The following CEP250 variants were observed in gnomAD, a reference collection of about 807,000 sequenced individuals.
CEP250 encodes the protein centrosome-associated protein CEP250.
In CEP250, 242 loss-of-function variants were observed where a neutral mutation model predicts 315.7. That is an observed-to-expected ratio of 0.77 (90% CI 0.69 to 0.85). The LOEUF is 0.85. CEP250 is among the 40% of genes least tolerant of loss of function. The probability of loss-of-function intolerance (pLI) is 0.00; values close to 1 mark genes in which losing one functional copy is unlikely to be tolerated. For missense variants in CEP250, 2,515 were observed against 2,886.4 expected, an observed-to-expected ratio of 0.87 and a Z score of 2.95; for synonymous variants, 1,088 against 1,175.0, an observed-to-expected ratio of 0.93 and a Z score of 1.51.
At position 35,467,286 on chromosome 20, in the gene CEP250, T is replaced by C. The variant is rs1416212486; in HGVS notation, c.600-18T>C. On this transcript the variant is annotated intron_variant, in intron 8 of 34. Transcript: ENST00000397527. The stretch of plus-strand genomic sequence containing the variant: ...CTGGTTCCTAGTGGAGTCTGCTGTT[T>C]TCCTTGCTTGTACTCAGAGATCTGA... The C allele has an allele frequency of 1.9e-6, 3 of 1,606,340 alleles. No individual in the cohort carries two copies. The highest frequency in any genetic ancestry group is 1.7e-6 in the Non-Finnish European group (2 of 1,174,422).
chr20:35,463,330 G>A (rs981341624), intron 4 of CEP250, among the ~76,000 whole-genome samples: 1 of 152,230 alleles, frequency 6.6e-6, no homozygotes, highest in Non-Finnish European at 1.5e-5. Flanking sequence ...TTCAATCTGG[G>A]AAGCGGAGGT....
At chr20:35,470,749 G>A (rs757900883) in intron 10 of CEP250, among the ~76,000 whole-genome samples, 10 of 152,112 alleles carry the variant, frequency 6.6e-5, no homozygotes, top group South Asian at 2.1e-4. Context: ...GTGAAACTCC[G>A]TCTCAAAAAA....
Position 35,503,533 on chromosome 20 carries a change from G to A in CEP250, c.5164G>A (p.Gly1722Arg), listed in dbSNP as rs1453778388. 3.7e-6 allele frequency: 6 copies of A among 1,614,026 alleles called. No individual in the cohort carries two copies. Among genetic ancestry groups the A allele is most frequent in the Non-Finnish European group, 4.2e-6 (5 of 1,180,018 alleles). Residue 1722 changes from glycine (G) to arginine (R), a missense_variant, in exon 30 of 35, where the codon GGG becomes AGG. Transcript: ENST00000397527. This position sits in a 1 kb window ranked among gnomAD's most constrained non-coding sequence, Gnocchi z 4.2. ...EGKGPSKAQR[G>R]SLEHMKLILR... is the part of the protein sequence containing the mutation. ...GAAGGGCCCAAGTAAAGCACAGCGCGGGAGCCTAGAGCACATGAAGCTGAT... is the reference window on the plus strand; with the variant it reads ...GAAGGGCCCAAGTAAAGCACAGCGCAGGAGCCTAGAGCACATGAAGCTGAT...
rs753620697 is a variant in CEP250, at chr20:35,502,694, G to C, written c.4325G>C (p.Gly1442Ala). ...EREEEVETLRGQIQELEKQRE... is the reference protein window; with the variant it reads ...EREEEVETLRAQIQELEKQRE... ...GAAGAGGAGGTGGAGACTCTGCGGGGACAAATCCAGGAACTGGAGAAGCAA... is the reference window on the plus strand; with the variant it reads ...GAAGAGGAGGTGGAGACTCTGCGGGCACAAATCCAGGAACTGGAGAAGCAA... Residue 1442 changes from glycine to alanine, a missense_variant, in exon 30 of 35, where the codon GGA becomes GCA. Transcript: ENST00000397527. 1.6e-5 allele frequency: 26 copies of C among 1,614,282 alleles called. No homozygotes were observed. Among genetic ancestry groups the C allele is most frequent in the Non-Finnish European group, 2.2e-5 (26 of 1,180,054 alleles).
At position 35,480,045 on chromosome 20, in the gene CEP250, C is replaced by T. The variant is rs1383273053; in HGVS notation, c.2486C>T (p.Ala829Val). Residue 829 changes from alanine to valine, a missense_variant, in exon 20 of 35, where the codon GCA becomes GTA. Ala to Val is a moderately conservative substitution (Grantham distance 64). Coordinates refer to ENST00000397527, the MANE Select transcript of CEP250 (RefSeq NM_007186.6). The part of the protein sequence containing the change: ...RSQAEQERDA[A>V]ARQLAQAEQE... The stretch of plus-strand genomic sequence containing the variant: ...CAGGCAGAGCAGGAGCGGGATGCTG[C>T]AGCCAGACAGCTGGCCCAGGCTGAG... 5.0e-6 allele frequency: 8 copies of T among 1,613,266 alleles called. No individual in the cohort carries two copies. The highest frequency in any genetic ancestry group is 1.7e-5 in the Admixed American group (1 of 60,006).
In CEP250 at chr20:35,517,567, A is replaced by G. The variant is rs2064446899; in HGVS notation, c.*5941A>G. The G allele has an allele frequency of 6.6e-6, 1 of 152,194 alleles. No homozygotes were observed. The highest frequency in any genetic ancestry group is 6.5e-5 in the Admixed American group (1 of 15,270). The allele number at this position is 152,194 out of a possible 1,614,324, so 9.4% of individuals were successfully genotyped here. A position where few individuals can be genotyped will look rare whatever the true frequency, so the allele number is the denominator to read the frequency against. On this transcript the variant is annotated 3_prime_UTR_variant, in exon 35 of 35. Coordinates refer to ENST00000397527, the MANE Select transcript of CEP250 (RefSeq NM_007186.6). Reference sequence around the variant, plus strand: ...TGGTAGACTTTCTTGTCATCTATTTAAAATGAAACAAGTGCATGTACGTGG... The same window carrying G: ...TGGTAGACTTTCTTGTCATCTATTTGAAATGAAACAAGTGCATGTACGTGG...
chr20:35,476,235 C>G (rs925531131), intron 15 of CEP250: 6 of 446,812 alleles, frequency 1.3e-5, no homozygotes, highest in Non-Finnish European at 2.0e-5. Context: ...CAATCATAGT[C>G]ATTTCTCTAT....
chr20:35,484,387 T>C (rs1242441989), intron 20 of CEP250, among the ~76,000 whole-genome samples: 1 of 152,190 alleles, frequency 6.6e-6, no homozygotes, highest in Non-Finnish European at 1.5e-5. Context: ...CCAGACCCCA[T>C]GTGCAGCTCA....
At position 35,482,255 on chromosome 20, in the gene CEP250, G is replaced by A. The variant is rs575790269; in HGVS notation, c.2586+2110G>A. ...TTTTTGTTTGTTTGTTTTTTGAGAC[G>A]GAGTCTCGCTCTGTTGCCCAGGCTG... On this transcript the variant is annotated intron_variant, in intron 20 of 34. Transcript: ENST00000397527. Among the ~76,000 whole-genome samples the A allele has an allele frequency of 1.6e-4, 24 of 151,816 alleles. No homozygotes were observed. The South Asian group carries it at 4.4e-3, about 28-fold the overall frequency.
intron 33 of CEP250, among the ~76,000 whole-genome samples, chr20:35,509,280 C>G (rs1272171912): frequency 6.6e-6 from 1 of 152,286 alleles, no homozygotes; most frequent in East Asian, 1.9e-4. Context: ...GGACTTAGAT[C>G]TGTGTACTCC....
chr20:35,458,566 C>T (rs971048606), intron 2 of CEP250, among the ~76,000 whole-genome samples, 192 bp downstream of exon 2: 2 of 1,324 alleles, frequency 1.5e-3, no homozygotes, highest in Non-Finnish European at 0.042. Context: ...TAGATGTAAT[C>T]CAATTTGTTA....
chr20:35,471,371 G>A (rs2063020308), intron 10 of CEP250, among the ~76,000 whole-genome samples: 1 of 152,176 alleles, frequency 6.6e-6, no homozygotes, highest in Non-Finnish European at 1.5e-5. Flanking sequence ...TGTAGGAATG[G>A]GGGCTGGGTG....
intron 31 of CEP250, 46 bp downstream of exon 31, chr20:35,507,897 C>A (rs2064236470): frequency 1.2e-6 from 2 of 1,603,276 alleles, no homozygotes; most frequent in Admixed American, 3.4e-5. Flanking sequence ...CAGGGAGCTC[C>A]TGTCCAGGGG....
chr20:35,478,447 C>T (rs1417980232), intron 17 of CEP250, among the ~76,000 whole-genome samples: 1 of 152,164 alleles, frequency 6.6e-6, no homozygotes, highest in African/African-American at 2.4e-5. Context: ...TGCCTGTAAT[C>T]CCAACTACTC....
chr20:35,495,376 T>C (rs2063807619), intron 24 of CEP250, among the ~76,000 whole-genome samples: 1 of 152,182 alleles, frequency 6.6e-6, no homozygotes. Context: ...ATGATGTATT[T>C]GAAGGGATTG....
chr20:35,475,330 C>T (rs2063140135), intron 14 of CEP250, among the ~76,000 whole-genome samples, 172 bp from the exon 15 acceptor site: 1 of 152,190 alleles, frequency 6.6e-6, no homozygotes, highest in Admixed American at 6.5e-5. Flanking sequence ...CATGTATATA[C>T]TGTTCTGCAC....
intron 10 of CEP250, 96 bp from the exon 11 acceptor site, chr20:35,471,949 GATAGA>G: frequency 6.9e-6 from 5 of 726,030 alleles, no homozygotes; most frequent in Non-Finnish European, 1.2e-5. Context: ...AAGTGGGGCT[GATAGA>G]ATAGACAGAA....
At chr20:35,509,392 CCT>C (rs1285100416) in intron 33 of CEP250, among the ~76,000 whole-genome samples, 2 of 152,180 alleles carry the variant, frequency 1.3e-5, no homozygotes, top group African/African-American at 2.4e-5. Context: ...TCCTGAGGAG[CCT>C]AGGAGCTTGA....
At chr20:35,481,833 G>A (rs2146914103) in intron 20 of CEP250, among the ~76,000 whole-genome samples, 1 of 152,194 alleles carries the variant, frequency 6.6e-6, no homozygotes, top group African/African-American at 2.4e-5. Flanking sequence ...CTCCCAAGTA[G>A]CTGGGATTAT....
Sources: gnomAD v4.1 joint callset for allele counts (sites outside exome capture counted in the v4.1 genomes callset) on GRCh38, gnomAD v4.1.1 for gene constraint, Gnocchi (gnomAD v3.1) non-coding constraint, MANE v1.5 for transcripts, NCBI Gene and HGNC (gene_info 2026-07-23, HGNC 2026-07-21) for gene names.